Variants in HS3ST5 observed in about 807,000 individuals in gnomAD.
HS3ST5 encodes the protein heparan sulfate glucosamine 3-O-sulfotransferase 5.
A neutral mutation model predicts 25.4 loss-of-function variants in HS3ST5; 10 were observed. The observed-to-expected ratio is 0.39, with a 90% CI of 0.24 to 0.67. The LOEUF is 0.67. HS3ST5 is among the 30% of genes least tolerant of loss of function. HS3ST5 has a pLI of 0.44. For missense variants in HS3ST5, 324 were observed against 420.7 expected (o/e 0.77, Z 2.01); for synonymous variants, 170 against 162.4 (o/e 1.05, Z -0.36).
At chr6:114,276,176 T>A (rs1773845654) in intron 1 of HS3ST5, among the ~76,000 whole-genome samples, 1 of 151,146 alleles carries the variant, frequency 6.6e-6, no homozygotes, top group Non-Finnish European at 1.5e-5. Flanking sequence ...ACTATGCTTA[T>A]GTTAGTTCTT....
At position 114,115,576 on chromosome 6, in the gene HS3ST5, C is replaced by T. The variant is rs550238300; in HGVS notation, c.-32-52699G>A. ...ATCCCACTGGCCCGAAAATCTTGCT[C>T]TTTCCCTTATACACAATCCCTCCAC... On this transcript the variant is annotated intron_variant, in intron 3 of 4. Coordinates refer to ENST00000312719, the MANE Select transcript of HS3ST5 (RefSeq NM_153612.4). Among the ~76,000 whole-genome samples the T allele has an allele frequency of 5.9e-5, 9 of 152,218 alleles. No individual in the cohort carries two copies. The South Asian group carries it at 1.9e-3, about 32-fold the overall frequency.
intron 1 of HS3ST5, among the ~76,000 whole-genome samples, chr6:114,252,918 T>C (rs1229255399): frequency 6.6e-6 from 1 of 152,202 alleles, no homozygotes; most frequent in East Asian, 1.9e-4. Context: ...AACAGGTAGC[T>C]GGGCATGATG....
intron 1 of HS3ST5, among the ~76,000 whole-genome samples, chr6:114,300,697 G>A (rs1021580715): frequency 5.9e-5 from 9 of 152,024 alleles, no homozygotes; most frequent in Admixed American, 2.0e-4. Flanking sequence ...ACACACAAAC[G>A]TGTACATGAA....
intron 1 of HS3ST5, among the ~76,000 whole-genome samples, chr6:114,336,321 G>A (rs1308094940): frequency 6.6e-6 from 1 of 152,124 alleles, no homozygotes. Flanking sequence ...AAATTACTAA[G>A]AATTTGGCCT....
chr6:114,240,386 T>C (rs931354130), intron 1 of HS3ST5, among the ~76,000 whole-genome samples: 4 of 152,136 alleles, frequency 2.6e-5, no homozygotes, highest in Non-Finnish European at 1.5e-5. Context: ...TCTAAAAATA[T>C]CTCAATGAAA....
At chr6:114,102,817 A>T (rs1775798745) in intron 3 of HS3ST5, among the ~76,000 whole-genome samples, 1 of 152,176 alleles carries the variant, frequency 6.6e-6, no homozygotes, top group Non-Finnish European at 1.5e-5. Context: ...AAAATTCTGA[A>T]CTCCAGAATG....
chr6:114,101,978 T>G (rs1049179679), intron 3 of HS3ST5, among the ~76,000 whole-genome samples: 1 of 152,214 alleles, frequency 6.6e-6, no homozygotes, highest in Non-Finnish European at 1.5e-5. Flanking sequence ...ATGTTCTCAC[T>G]TATAAGTAGT....
chr6:114,185,119 G>C (rs1780154767), intron 2 of HS3ST5, among the ~76,000 whole-genome samples: 1 of 152,118 alleles, frequency 6.6e-6, no homozygotes, highest in South Asian at 2.1e-4. Flanking sequence ...TAAGAGTTCT[G>C]GGGCTGCTGG....
intron 2 of HS3ST5, among the ~76,000 whole-genome samples, chr6:114,198,811 A>G (rs1780880586): frequency 6.6e-6 from 1 of 152,024 alleles, no homozygotes; most frequent in African/African-American, 2.4e-5. Context: ...TTTTTTTAAT[A>G]AATGCATTAG....
chr6:114,189,170 C>G (rs1373802592), intron 2 of HS3ST5, among the ~76,000 whole-genome samples: 1 of 152,028 alleles, frequency 6.6e-6, no homozygotes, highest in Admixed American at 6.6e-5. Context: ...CTGAAATGAT[C>G]AATAATACCA....
At chr6:114,094,175 C>T (rs1001051986) in intron 3 of HS3ST5, among the ~76,000 whole-genome samples, 5 of 152,070 alleles carry the variant, frequency 3.3e-5, no homozygotes, top group Admixed American at 2.6e-4. Flanking sequence ...ACTTAGAAGA[C>T]GACTGGATAT....
chr6:114,226,085 A>T (rs7746324), intron 2 of HS3ST5, among the ~76,000 whole-genome samples: 9 of 151,786 alleles, frequency 5.9e-5, no homozygotes, highest in Admixed American at 3.9e-4. Context: ...GTGAAACTAA[A>T]CGTATGTTAC....
intron 1 of HS3ST5, chr6:114,251,456 G>T (rs1169526424): frequency 1.3e-5 from 2 of 152,148 alleles, no homozygotes; most frequent in East Asian, 3.9e-4. Flanking sequence ...TTGAGGGAAA[G>T]AATTATATTT....
At chr6:114,235,973 G>A (rs1429729412) in intron 1 of HS3ST5, among the ~76,000 whole-genome samples, 1 of 152,198 alleles carries the variant, frequency 6.6e-6, no homozygotes, top group Non-Finnish European at 1.5e-5. Flanking sequence ...TTGCAGTTCA[G>A]AAACTTCAGC....
chr6:114,079,107 G>A (rs1175734904), intron 3 of HS3ST5, among the ~76,000 whole-genome samples: 1 of 152,164 alleles, frequency 6.6e-6, no homozygotes, highest in Non-Finnish European at 1.5e-5. Context: ...GTCTTGCTTC[G>A]ATGTTGATGG....
At chr6:114,324,583 C>T (rs908202866) in intron 1 of HS3ST5, among the ~76,000 whole-genome samples, 1 of 152,208 alleles carries the variant, frequency 6.6e-6, no homozygotes, top group African/African-American at 2.4e-5. Flanking sequence ...TGTCCATCAA[C>T]ATAAATTCCC....
intron 2 of HS3ST5, among the ~76,000 whole-genome samples, chr6:114,222,882 G>A (rs1782107339): frequency 6.6e-6 from 1 of 151,800 alleles, no homozygotes; most frequent in Non-Finnish European, 1.5e-5. Flanking sequence ...GATAGTTTAA[G>A]TTGCATTTAT....
rs150743527 is a variant in HS3ST5, at chr6:114,178,163, A to G, written c.-144-9701T>C. On this transcript the variant is annotated intron_variant, in intron 2 of 4. Transcript: ENST00000312719. Reference sequence around the variant, plus strand: ...GCTCTGATTGGATTCTATATATATGAACAAAGGTTACCCCAAAATAATACA... The same window carrying G: ...GCTCTGATTGGATTCTATATATATGGACAAAGGTTACCCCAAAATAATACA... Among the ~76,000 whole-genome samples the G allele has an allele frequency of 5.5e-3, 841 of 152,312 alleles. 3 individuals are homozygous for G. Among genetic ancestry groups the G allele is most frequent in the Non-Finnish European group, 8.7e-3 (592 of 68,028 alleles).
chr6:114,098,424 T>C (rs115667789), intron 3 of HS3ST5, among the ~76,000 whole-genome samples: 60 of 150,240 alleles, frequency 4.0e-4, no homozygotes, highest in South Asian at 1.7e-3. Context: ...ATATTAAATA[T>C]AGATGATAAA....
Sources: allele counts gnomAD v4.1 joint callset (sites outside exome capture counted in the v4.1 genomes callset), GRCh38; gene constraint gnomAD v4.1.1; transcripts MANE v1.5; gene names NCBI Gene and HGNC (gene_info 2026-07-23, HGNC 2026-07-21).